The following MUC6 variants were observed in gnomAD, a reference collection of about 807,000 sequenced individuals.
MUC6 encodes mucin 6, oligomeric mucus/gel-forming (gene/pseudogene), also known as mucin-6.
A neutral mutation model predicts 201.5 loss-of-function variants in MUC6; 188 were observed. The observed-to-expected ratio is 0.93, with a 90% CI of 0.83 to 1.05. MUC6 has a LOEUF of 1.05. Ranked by LOEUF, MUC6 falls within the 50% of genes least tolerant of loss-of-function variation. MUC6 has a pLI of 0.00. For synonymous variants in MUC6, 1,228 were observed against 1,389.4 expected, an observed-to-expected ratio of 0.88 and a Z score of 2.58; for missense variants, 2,706 against 3,256.9, an observed-to-expected ratio of 0.83 and a Z score of 4.12.
chr11:1,031,269 A>T lies in MUC6; in HGVS notation c.484-10T>A. ...TCCGCTCCACCAGAACCTGCGGGAGACGGCTCTGCTGGGGGCCCGGGGGCC... is the reference window on the plus strand; with the variant it reads ...TCCGCTCCACCAGAACCTGCGGGAGTCGGCTCTGCTGGGGGCCCGGGGGCC... On this transcript the variant is annotated splice_polypyrimidine_tract_variant and intron_variant, in intron 4 of 32. Transcript: ENST00000421673. The T allele has an allele frequency of 6.4e-7, 1 of 1,557,722 alleles. No individual in the cohort carries two copies. Among genetic ancestry groups the T allele is most frequent in the East Asian group, 2.4e-5 (1 of 41,246 alleles).
chr11:1,034,032 GACTT>G (rs1379300035), intron 1 of MUC6, among the ~76,000 whole-genome samples: 2 of 152,114 alleles, frequency 1.3e-5, no homozygotes, highest in African/African-American at 4.8e-5. Flanking sequence ...CACTTTCTGG[GACTT>G]ACTTGATGCT....
Position 1,036,699 on chromosome 11 carries a change from C to T in MUC6, c.-44G>A, listed in dbSNP as rs1857226258. The T allele has an allele frequency of 6.5e-7, 1 of 1,536,890 alleles. No individual in the cohort carries two copies. Among genetic ancestry groups the T allele is most frequent in the East Asian group, 2.5e-5 (1 of 40,764 alleles). On this transcript the variant is annotated 5_prime_UTR_variant, in exon 1 of 33. Transcript: ENST00000421673. ...GCTCGCGCTGGGCCCGGCAGGCCTG[C>T]TGCTGCCATCCATGCGGCTCCAACG...
intron 32 of MUC6, 41 bp downstream of exon 32, chr11:1,013,858 C>A: frequency 6.4e-7 from 1 of 1,563,274 alleles, no homozygotes; most frequent in South Asian, 1.2e-5. Flanking sequence ...GTTGTGAGCA[C>A]CTTGGTGGAC....
At chr11:1,030,078 G>A in intron 8 of MUC6, 135 bp downstream of exon 8, 1 of 1,163,564 alleles carries the variant, frequency 8.6e-7, no homozygotes, top group Non-Finnish European at 1.2e-6. Flanking sequence ...CCCAGGGCAA[G>A]AGGCGCCAGA....
chr11:1,032,936 G>A (rs1857143216), intron 2 of MUC6, 77 bp downstream of exon 2: 1 of 1,352,582 alleles, frequency 7.4e-7, no homozygotes, highest in Non-Finnish European at 1.0e-6. Flanking sequence ...GGGGTGACCT[G>A]GGCTCCGGGC....
chr11:1,020,588 C>G (rs994781220), intron 28 of MUC6, 96 bp downstream of exon 28: 3 of 1,540,298 alleles, frequency 1.9e-6, no homozygotes, highest in Non-Finnish European at 1.8e-6. Flanking sequence ...CTGCCTGCCC[C>G]CTCCCTGCTT....
chr11:1,020,611 A>G, intron 28 of MUC6, 73 bp downstream of exon 28: 1 of 1,594,224 alleles, frequency 6.3e-7, no homozygotes, highest in Non-Finnish European at 8.6e-7. Flanking sequence ...CACCCGACAG[A>G]TTTGTCCAGG....
At chr11:1,032,151 G>T in intron 2 of MUC6, 98 bp from the exon 3 acceptor site, 1 of 1,491,742 alleles carries the variant, frequency 6.7e-7, no homozygotes. Context: ...CCTGGGCCAG[G>T]GTTTTTGAGT....
At chr11:1,032,746 TTG>T (rs144225263) in intron 2 of MUC6, among the ~76,000 whole-genome samples, 16,955 of 149,096 alleles carry the variant, frequency 0.11, 1,301 homozygotes, top group South Asian at 0.35. Context: ...GTGTGTTGGG[TTG>T]TGTGTCTGTG....
chr11:1,036,296 C>T (rs369124561), intron 1 of MUC6, among the ~76,000 whole-genome samples: 9 of 152,150 alleles, frequency 5.9e-5, no homozygotes, highest in African/African-American at 2.2e-4. Context: ...CCACTGTTCC[C>T]GCGGGAGTGC....
In MUC6 at chr11:1,036,665, T is replaced by G; in HGVS notation, c.-10A>C. ...GCCACCGCTGGACCATGGTGCACAGTGGAGAGGAGCTCGCGCTGGGCCCGG... is the reference window on the plus strand; with the variant it reads ...GCCACCGCTGGACCATGGTGCACAGGGGAGAGGAGCTCGCGCTGGGCCCGG... On this transcript the variant is annotated 5_prime_UTR_variant, in exon 1 of 33. Coordinates refer to ENST00000421673, the MANE Select transcript of MUC6 (RefSeq NM_005961.3). The G allele has an allele frequency of 1.3e-6, 2 of 1,546,270 alleles. No homozygotes were observed. Among genetic ancestry groups the G allele is most frequent in the Non-Finnish European group, 1.7e-6 (2 of 1,146,244 alleles).
chr11:1,030,863 A>G (rs1175961923), intron 6 of MUC6, 83 bp from the exon 7 acceptor site: 1 of 1,528,522 alleles, frequency 6.5e-7, no homozygotes, highest in Non-Finnish European at 8.8e-7. Flanking sequence ...GGCGTCTGTG[A>G]TGCGGCTGCT....
chr11:1,025,023 G>A lies in MUC6; in HGVS notation c.3046C>T (p.Arg1016Cys), dbSNP rs771070829. 7.4e-6 allele frequency: 12 copies of A among 1,613,010 alleles called. No homozygotes were observed. The highest frequency in any genetic ancestry group is 1.6e-4 in the Middle Eastern group (1 of 6,062). ...TCGCTGGATGCCACGTACCTGCTGC[G>A]CGTCTCGAAGTCGTCCTTCATGTTC... is the stretch of plus-strand genomic sequence containing the variant. ...NGNMKDDFET[R>C]SRYVASSELE... The change falls in exon 24 of 33, where the codon CGC (arginine) becomes TGC (cysteine). Residue 1016 changes from arginine to cysteine, a missense_variant. Arg to Cys is a radical substitution (Grantham distance 180, BLOSUM62 -3). This residue lies in a region of MUC6 where 1,850 missense variants were observed against 1,958.3 expected (regional missense o/e 0.94). Transcript: ENST00000421673.
In MUC6 at chr11:1,030,707, C is replaced by T. The variant is rs1857081390; in HGVS notation, c.758G>A (p.Ser253Asn). ...CSVSKEPFVL[S>N]CQADVAAAPQ... is the part of the protein sequence containing the mutation. ...GGCTGCGGCCACGTCCGCCTGGCAG[C>T]TTAGCACGAAGGGCTCCTTGGACAC... is the stretch of plus-strand genomic sequence containing the variant. Residue 253 changes from serine to asparagine, a missense_variant, in exon 7 of 33, where the codon AGC (serine) becomes AAC (asparagine). Transcript: ENST00000421673. 2 of 1,547,416 alleles carry T rather than the reference C, an allele frequency of 1.3e-6. No homozygotes were observed. The highest frequency in any genetic ancestry group is 2.4e-5 in the South Asian group (2 of 84,190).
chr11:1,031,381 T>A, intron 4 of MUC6, 122 bp from the exon 5 acceptor site: 3 of 1,172,682 alleles, frequency 2.6e-6, no homozygotes, highest in Non-Finnish European at 3.5e-6. Flanking sequence ...CTCATCTGCC[T>A]CTTCTTATGG....
In MUC6 at chr11:1,036,666, G is replaced by A. The variant is rs1011219544; in HGVS notation, c.-11C>T. On this transcript the variant is annotated 5_prime_UTR_variant, in exon 1 of 33. Coordinates refer to ENST00000421673, the MANE Select transcript of MUC6 (RefSeq NM_005961.3). ...CCACCGCTGGACCATGGTGCACAGTGGAGAGGAGCTCGCGCTGGGCCCGGC... is the reference window on the plus strand; with the variant it reads ...CCACCGCTGGACCATGGTGCACAGTAGAGAGGAGCTCGCGCTGGGCCCGGC... 4.5e-6 allele frequency: 7 copies of A among 1,546,202 alleles called. No homozygotes were observed. The highest frequency in any genetic ancestry group is 2.0e-5 in the Admixed American group (1 of 50,948).
intron 31 of MUC6, among the ~76,000 whole-genome samples, chr11:1,015,224 GA>G (rs11314743): frequency 1 from 152,345 of 152,346 alleles, 76,172 homozygotes; most frequent in Non-Finnish European, 1. Flanking sequence ...GCCGGGAAGA[GA>G]CCGTGGCCCA....
chr11:1,014,015 G>A lies in MUC6; in HGVS notation c.7040-14C>T. The A allele has an allele frequency of 1.9e-6, 3 of 1,594,094 alleles. No individual in the cohort carries two copies. Among genetic ancestry groups the A allele is most frequent in the Non-Finnish European group, 1.7e-6 (2 of 1,170,470 alleles). On this transcript the variant is annotated splice_polypyrimidine_tract_variant and intron_variant, in intron 31 of 32. Transcript: ENST00000421673. ...CACTGCAGACCCCTGGTAGCCGAGT[G>A]GACGGTCAGCAGCGCCCAGGGTGGG... is the stretch of plus-strand genomic sequence containing the variant.
chr11:1,023,045 GTGAA>G (rs138442810), intron 26 of MUC6, among the ~76,000 whole-genome samples: 16,128 of 151,794 alleles, frequency 0.11, 1,280 homozygotes, highest in South Asian at 0.34. Flanking sequence ...GTGAATGTGC[GTGAA>G]TGAATGTGAA....
Sources: gnomAD v4.1 joint callset for allele counts (sites outside exome capture counted in the v4.1 genomes callset) on GRCh38, gnomAD v4.1.1 for gene constraint, gnomAD v4.1.1 regional missense constraint, MANE v1.5 for transcripts, NCBI Gene and HGNC (gene_info 2026-07-23, HGNC 2026-07-21) for gene names.